SEC14L5: variants seen among roughly 807,000 people sequenced by gnomAD.
The protein encoded by SEC14L5 is SEC14 like lipid binding 5, also known as SEC14-like protein 5.
A neutral mutation model predicts 84.6 loss-of-function variants in SEC14L5; 96 were observed. The observed-to-expected ratio is 1.13, with a 90% CI of 0.96 to 1.34. The LOEUF is 1.34. SEC14L5 is among the 40% of genes most tolerant of loss of function. The pLI, the probability that SEC14L5 is intolerant of heterozygous loss-of-function variation, is 0.00. For synonymous variants in SEC14L5, 546 were observed against 383.4 expected (o/e 1.42, Z -4.95); for missense variants, 1,224 against 942.5 (o/e 1.30, Z -3.91).
intron 10 of SEC14L5, among the ~76,000 whole-genome samples, chr16:5,002,551 A>T (rs1180862097): frequency 3.3e-5 from 5 of 152,086 alleles, no homozygotes; most frequent in Admixed American, 1.3e-4. Context: ...GTTGGGGTGG[A>T]AGTGGGAATC....
At chr16:4,960,999 C>T (rs1285217023) in intron 2 of SEC14L5, among the ~76,000 whole-genome samples, 1 of 152,156 alleles carries the variant, frequency 6.6e-6, no homozygotes, top group Non-Finnish European at 1.5e-5. Flanking sequence ...AAGCCGGGTG[C>T]AGTGGCTCAC....
intron 4 of SEC14L5, among the ~76,000 whole-genome samples, chr16:4,989,739 A>G (rs1248893567): frequency 2.0e-5 from 3 of 152,154 alleles, no homozygotes; most frequent in African/African-American, 4.8e-5. Flanking sequence ...GGGGCAAGCA[A>G]CAGTTGTTGA....
intron 5 of SEC14L5, among the ~76,000 whole-genome samples, chr16:4,991,330 G>A (rs1955551580): frequency 6.6e-6 from 1 of 151,948 alleles, no homozygotes; most frequent in Non-Finnish European, 1.5e-5. Flanking sequence ...ATTCTCCGAG[G>A]TTGGAGGCCC....
rs550227246 is a variant in SEC14L5, at chr16:4,965,619, C to G, written c.63+6233C>G. On this transcript the variant is annotated intron_variant, in intron 2 of 15. Coordinates refer to ENST00000251170, the MANE Select transcript of SEC14L5 (RefSeq NM_014692.2). ...GAGCTTGCACTGAGCCGAGATAGCA[C>G]CACTGCACTCCAGCCTGGGCAAAAG... is the stretch of plus-strand genomic sequence containing the variant. Among the ~76,000 whole-genome samples the G allele has an allele frequency of 4.3e-4, 58 of 133,464 alleles. 1 individual carries two copies. Among genetic ancestry groups the G allele is most frequent in the Non-Finnish European group, 8.1e-4 (53 of 65,780 alleles). 87.6% of individuals were successfully genotyped at this position (133,464 alleles called of 152,430 possible).
intron 6 of SEC14L5, among the ~76,000 whole-genome samples, chr16:4,992,891 G>C (rs1955566774): frequency 6.6e-6 from 1 of 152,110 alleles, no homozygotes; most frequent in Non-Finnish European, 1.5e-5. Flanking sequence ...TGTGTCTTAT[G>C]TTGAATACGT....
chr16:4,994,866 C>T (rs74005466), intron 6 of SEC14L5, among the ~76,000 whole-genome samples: 2,115 of 152,216 alleles, frequency 0.014, 37 homozygotes, highest in African/African-American at 0.048. Context: ...CTTCTGCCCT[C>T]TCCTGAATCA....
At chr16:4,980,616 G>A (rs986023695) in intron 2 of SEC14L5, among the ~76,000 whole-genome samples, 1 of 152,142 alleles carries the variant, frequency 6.6e-6, no homozygotes, top group African/African-American at 2.4e-5. Flanking sequence ...CGAGGACCAA[G>A]CCCGGCACAG....
At chr16:4,970,907 A>C (rs1351308224) in intron 2 of SEC14L5, among the ~76,000 whole-genome samples, 1 of 152,142 alleles carries the variant, frequency 6.6e-6, no homozygotes, top group Non-Finnish European at 1.5e-5. Context: ...CAGGACTTTG[A>C]GACCAGCCTG....
At chr16:4,997,718 G>A (rs765084327) in intron 8 of SEC14L5, among the ~76,000 whole-genome samples, 11 of 152,208 alleles carry the variant, frequency 7.2e-5, no homozygotes, top group Non-Finnish European at 8.8e-5. Flanking sequence ...CCAGAAGTCT[G>A]GAGTCAAGGC....
At chr16:4,971,921 C>T (rs1401056422) in intron 2 of SEC14L5, among the ~76,000 whole-genome samples, 3 of 152,128 alleles carry the variant, frequency 2.0e-5, no homozygotes, top group East Asian at 1.9e-4. Context: ...TACATAGAGA[C>T]GGTGGCATTG....
At chr16:4,986,132 T>C (rs1465763491) in intron 2 of SEC14L5, among the ~76,000 whole-genome samples, 2 of 151,158 alleles carry the variant, frequency 1.3e-5, no homozygotes, top group African/African-American at 4.9e-5. Flanking sequence ...TGTTATGTCT[T>C]CTTCTTCTTC....
intron 6 of SEC14L5, 45 bp from the exon 7 acceptor site, chr16:4,996,303 C>T (rs370457137): frequency 4.0e-5 from 46 of 1,137,890 alleles, no homozygotes; most frequent in African/African-American, 3.4e-4. Flanking sequence ...GGTAAAGAGA[C>T]GCAGCGTCTC....
chr16:4,959,359 C>A lies in SEC14L5; in HGVS notation c.36C>A (p.Tyr12Ter). The change falls in exon 2 of 16, where the codon TAC becomes TAA. Residue 12 changes from tyrosine (Y) to a stop codon, truncating the protein, a stop_gained. Transcript: ENST00000251170. LOFTEE classifies it high-confidence loss of function. ...GATACCAGTCTCCTGTCCGAGTCTA[C>A]AAGTACCCGTTTGAGCTGGTCATGG... ...VQRYQSPVRV[Y>*]KYPFELVMAA... The A allele has an allele frequency of 6.2e-7, 1 of 1,613,912 alleles. No individual in the cohort carries two copies. The highest frequency in any genetic ancestry group is 2.2e-5 in the East Asian group (1 of 44,878).
At chr16:5,003,852 C>A (rs1169962619) in intron 11 of SEC14L5, among the ~76,000 whole-genome samples, 1 of 152,250 alleles carries the variant, frequency 6.6e-6, no homozygotes, top group South Asian at 2.1e-4. Flanking sequence ...TCTCAAATTC[C>A]TGGGCTCAAG....
At chr16:4,990,320 C>T (rs1207841199) in intron 4 of SEC14L5, among the ~76,000 whole-genome samples, 3 of 152,056 alleles carry the variant, frequency 2.0e-5, no homozygotes, top group Admixed American at 6.5e-5. Context: ...CCACCACCAT[C>T]TCTGGCTAAT....
At chr16:4,992,845 C>G (rs1167642952) in intron 6 of SEC14L5, among the ~76,000 whole-genome samples, 1 of 152,114 alleles carries the variant, frequency 6.6e-6, no homozygotes, top group East Asian at 1.9e-4. Flanking sequence ...TGTATATATA[C>G]CCACACACAT....
At position 5,014,958 on chromosome 16, in the gene SEC14L5, G is replaced by C; in HGVS notation, c.2079G>C (p.Leu693=). ...CCGGCCAGTCTCATAGCAGCTCCCTGGTCTCCAGATAGCCGGGCCCAGTGT... is the reference window on the plus strand; with the variant it reads ...CCGGCCAGTCTCATAGCAGCTCCCTCGTCTCCAGATAGCCGGGCCCAGTGT... ...SSSGQSHSSS[L]VSR The change falls in exon 16 of 16, where the codon CTG becomes CTC. Residue 693 remains leucine, a synonymous_variant. Coordinates refer to ENST00000251170, the MANE Select transcript of SEC14L5 (RefSeq NM_014692.2). 1 of 1,610,770 alleles carries C rather than the reference G, an allele frequency of 6.2e-7. No individual in the cohort carries two copies. Among genetic ancestry groups the C allele is most frequent in the Non-Finnish European group, 8.5e-7 (1 of 1,179,644 alleles).
At chr16:4,995,282 T>C (rs1955597001) in intron 6 of SEC14L5, among the ~76,000 whole-genome samples, 1 of 152,236 alleles carries the variant, frequency 6.6e-6, no homozygotes, top group South Asian at 2.1e-4. Flanking sequence ...TCTGCCACCC[T>C]CATGGCTAAG....
intron 6 of SEC14L5, 119 bp downstream of exon 6, chr16:4,992,149 T>C (rs1955559886): frequency 1.5e-6 from 1 of 670,968 alleles, no homozygotes; most frequent in African/African-American, 1.8e-5. Flanking sequence ...GGAATGGGTC[T>C]GGGTCTTGGA....
Sources: gnomAD v4.1 joint callset for allele counts (sites outside exome capture counted in the v4.1 genomes callset) on GRCh38, gnomAD v4.1.1 for gene constraint, MANE v1.5 for transcripts, NCBI Gene and HGNC (gene_info 2026-07-23, HGNC 2026-07-21) for gene names.